OPCML: variants seen among roughly 807,000 people sequenced by gnomAD.
The protein encoded by OPCML is opioid binding protein/cell adhesion molecule like.
A neutral mutation model predicts 37.8 loss-of-function variants in OPCML; 13 were observed. The observed-to-expected ratio is 0.34, with a 90% CI of 0.22 to 0.55. The LOEUF is 0.55. Among genes scored for constraint, OPCML ranks in the 20% least tolerant of loss-of-function variants. OPCML has a pLI of 0.91. For synonymous variants in OPCML, 176 were observed against 168.8 expected (o/e 1.04, Z -0.33); for missense variants, 341 against 435.6 (o/e 0.78, Z 1.93).
At chr11:133,229,129 T>C (rs1361559640) in intron 1 of OPCML, among the ~76,000 whole-genome samples, 1 of 152,198 alleles carries the variant, frequency 6.6e-6, no homozygotes, top group African/African-American at 2.4e-5. Flanking sequence ...GAGAGCCAGC[T>C]GGGCCTGTTT....
intron 3 of OPCML, among the ~76,000 whole-genome samples, chr11:132,563,315 G>A (rs1223046094): frequency 6.6e-6 from 1 of 152,078 alleles, no homozygotes; most frequent in Non-Finnish European, 1.5e-5. Context: ...GATACTTGGA[G>A]TATAAAGACT....
intron 1 of OPCML, among the ~76,000 whole-genome samples, chr11:133,261,645 T>C (rs1941499224): frequency 1.3e-5 from 2 of 152,182 alleles, no homozygotes; most frequent in African/African-American, 4.8e-5. Context: ...TTGTTCGCTG[T>C]CATATCCTCG....
At chr11:132,593,784 C>T (rs1218822717) in intron 3 of OPCML, among the ~76,000 whole-genome samples, 4 of 152,124 alleles carry the variant, frequency 2.6e-5, no homozygotes, top group African/African-American at 9.7e-5. Flanking sequence ...ATGGTTACAA[C>T]AAGCAATTAA....
At chr11:133,439,494 G>A (rs967375132) in intron 1 of OPCML, 28 of 940,554 alleles carry the variant, frequency 3.0e-5, no homozygotes, top group African/African-American at 1.2e-4. Flanking sequence ...TTGAGATGGA[G>A]TCTCACTCTG....
At chr11:133,407,371 C>T (rs376075918) in intron 1 of OPCML, among the ~76,000 whole-genome samples, 1 of 152,066 alleles carries the variant, frequency 6.6e-6, no homozygotes, top group East Asian at 1.9e-4. Context: ...AGGTTTTGTG[C>T]GTACATGTGA....
chr11:133,320,681 T>C (rs1441136194), intron 1 of OPCML, among the ~76,000 whole-genome samples: 1 of 152,232 alleles, frequency 6.6e-6, no homozygotes, highest in East Asian at 1.9e-4. Context: ...CTCTTAAAAT[T>C]ATGCTCTTCT....
chr11:133,286,059 A>C (rs1320799496), intron 1 of OPCML, among the ~76,000 whole-genome samples: 1 of 152,182 alleles, frequency 6.6e-6, no homozygotes, highest in Non-Finnish European at 1.5e-5. Context: ...GAGACAAGTC[A>C]GGGTGTTCAA....
intron 1 of OPCML, among the ~76,000 whole-genome samples, chr11:133,283,890 G>A (rs969608168): frequency 2.6e-5 from 4 of 152,024 alleles, no homozygotes; most frequent in East Asian, 1.9e-4. Flanking sequence ...AGTTTCCAGC[G>A]TTTCTTTTAC....
chr11:132,436,270 T>C (rs2096012684), intron 6 of OPCML, 33 bp from the exon 7 acceptor site: 2 of 1,614,002 alleles, frequency 1.2e-6, no homozygotes, highest in Non-Finnish European at 1.7e-6. Flanking sequence ...ATCAATTCAT[T>C]CTACAAAGAG....
In OPCML at chr11:133,082,674, G is replaced by A. The variant is rs570079705; in HGVS notation, c.62-139664C>T. Reference sequence around the variant, plus strand: ...AGTGGCACAGCCCTCGGCACGGCACGGCCCTGTCAGCTACGAAGCCGGGCG... The same window carrying A: ...AGTGGCACAGCCCTCGGCACGGCACAGCCCTGTCAGCTACGAAGCCGGGCG... On this transcript the variant is annotated intron_variant, in intron 1 of 7. Coordinates refer to ENST00000524381, the MANE Select transcript of OPCML (RefSeq NM_001012393.5). Among the ~76,000 whole-genome samples, 294 of 83,448 alleles carry A rather than the reference G, an allele frequency of 3.5e-3. 1 individual carries two copies. Among genetic ancestry groups the A allele is most frequent in the African/African-American group, 0.013 (280 of 22,120 alleles). The allele number at this position is 83,448 out of a possible 152,430, so 54.7% of individuals were successfully genotyped here.
At chr11:133,029,518 A>G (rs1039936865) in intron 1 of OPCML, among the ~76,000 whole-genome samples, 2 of 152,208 alleles carry the variant, frequency 1.3e-5, no homozygotes, top group African/African-American at 4.8e-5. Context: ...CTACATATAC[A>G]CCATGAAATA....
chr11:132,849,109 G>T (rs940295192), intron 2 of OPCML, among the ~76,000 whole-genome samples: 1 of 152,138 alleles, frequency 6.6e-6, no homozygotes, highest in East Asian at 1.9e-4. Context: ...AATGTAGTTC[G>T]CTTCATGTTA....
At chr11:133,153,271 C>A (rs905589263) in intron 1 of OPCML, among the ~76,000 whole-genome samples, 1 of 151,570 alleles carries the variant, frequency 6.6e-6, no homozygotes, top group African/African-American at 2.4e-5. Flanking sequence ...CTGTCAGCTC[C>A]GGCATGAACC....
chr11:133,229,856 G>A (rs114984111), intron 1 of OPCML, among the ~76,000 whole-genome samples: 3,912 of 152,244 alleles, frequency 0.026, 61 homozygotes, highest in East Asian at 0.094. Flanking sequence ...TTTACTGTGC[G>A]CAGTTAGTGC....
At chr11:133,273,534 G>A (rs145096063) in intron 1 of OPCML, among the ~76,000 whole-genome samples, 130 of 152,240 alleles carry the variant, frequency 8.5e-4, no homozygotes, top group Middle Eastern at 3.4e-3. Context: ...TCTTTCTCTC[G>A]CAGAACCAAA....
chr11:132,841,829 C>T lies in OPCML; in HGVS notation c.146+101097G>A, dbSNP rs187241483. ...TGAACCAAGATTGTACCATTGCACT[C>T]CAGCCTGGGTGACAGAATGACACTC... On this transcript the variant is annotated intron_variant, in intron 2 of 7. Transcript: ENST00000524381. 2.1e-3 allele frequency among the ~76,000 whole-genome samples: 280 copies of T among 133,180 alleles called. 1 individual carries two copies. Among genetic ancestry groups the T allele is most frequent in the African/African-American group, 7.8e-3 (266 of 34,026 alleles). The allele number at this position is 133,180 out of a possible 152,430, so 87.4% of individuals were successfully genotyped here.
chr11:132,709,264 A>C (rs941302383), intron 2 of OPCML, among the ~76,000 whole-genome samples: 1 of 152,186 alleles, frequency 6.6e-6, no homozygotes, highest in South Asian at 2.1e-4. Flanking sequence ...GTTCTTAAAA[A>C]AATGCCCAAC....
At chr11:132,963,749 CGATATT>C (rs1267323539) in intron 1 of OPCML, among the ~76,000 whole-genome samples, 3 of 138,752 alleles carry the variant, frequency 2.2e-5, no homozygotes, top group East Asian at 4.5e-4. Flanking sequence ...ATCCGTATTA[CGATATT>C]ATTATTATTA....
chr11:132,722,220 G>C (rs1944698789), intron 2 of OPCML, among the ~76,000 whole-genome samples: 1 of 150,856 alleles, frequency 6.6e-6, no homozygotes, highest in African/African-American at 2.4e-5. Flanking sequence ...CTCCCAAAGT[G>C]CTGGGATTAC....
Sources: gnomAD v4.1 joint callset for allele counts (sites outside exome capture counted in the v4.1 genomes callset) on GRCh38, gnomAD v4.1.1 for gene constraint, MANE v1.5 for transcripts, NCBI Gene and HGNC (gene_info 2026-07-23, HGNC 2026-07-21) for gene names.